Variants in CSRNP3 observed in about 807,000 individuals in gnomAD.
CSRNP3 encodes cysteine and serine rich nuclear protein 3.
In CSRNP3, 12 loss-of-function variants were observed where a neutral mutation model predicts 48.0. The observed-to-expected ratio is 0.25, with a 90% CI of 0.16 to 0.41. The LOEUF (loss-of-function observed/expected upper bound fraction) is 0.41. Among genes scored for constraint, CSRNP3 ranks in the 10% least tolerant of loss-of-function variants. The probability of loss-of-function intolerance (pLI) is 1.00; values close to 1 mark genes in which losing one functional copy is unlikely to be tolerated. For synonymous variants in CSRNP3, 263 were observed against 269.7 expected (o/e 0.98, Z 0.24); for missense variants, 580 against 724.4 (o/e 0.80, Z 2.29).
intron 5 of CSRNP3, among the ~76,000 whole-genome samples, chr2:165,672,767 GA>G (rs1687351964): frequency 6.6e-6 from 1 of 152,168 alleles, no homozygotes; most frequent in African/African-American, 2.4e-5. Flanking sequence ...AATGCATTTG[GA>G]AATAATCTAT....
chr2:165,641,584 A>G (rs1387909269), intron 4 of CSRNP3, among the ~76,000 whole-genome samples: 3 of 152,246 alleles, frequency 2.0e-5, no homozygotes, highest in East Asian at 3.9e-4. Flanking sequence ...TTCCAACTCT[A>G]AAGACCAAGA....
At chr2:165,659,972 A>T (rs1687069387) in intron 5 of CSRNP3, among the ~76,000 whole-genome samples, 1 of 152,172 alleles carries the variant, frequency 6.6e-6, no homozygotes, top group Non-Finnish European at 1.5e-5. Context: ...CTTTGGCAGT[A>T]TTTTTGGCAG....
At chr2:165,535,627 C>T (rs11903328) in intron 3 of CSRNP3, among the ~76,000 whole-genome samples, 45,045 of 151,496 alleles carry the variant, frequency 0.3, 7,284 homozygotes, top group African/African-American at 0.41. Context: ...TTATGTCTGA[C>T]GTGATCACAA....
intron 2 of CSRNP3, among the ~76,000 whole-genome samples, chr2:165,513,192 G>A (rs1684531195): frequency 6.6e-6 from 1 of 152,188 alleles, no homozygotes; most frequent in Admixed American, 6.5e-5. Flanking sequence ...GCTCTGTCAG[G>A]AAACTGTCCT....
chr2:165,594,090 T>C (rs566263212), intron 3 of CSRNP3, among the ~76,000 whole-genome samples: 1 of 152,220 alleles, frequency 6.6e-6, no homozygotes, highest in Non-Finnish European at 1.5e-5. Context: ...TACCTCATTA[T>C]GTAGATACAA....
chr2:165,650,242 G>T (rs149398476), intron 4 of CSRNP3, among the ~76,000 whole-genome samples: 7 of 152,264 alleles, frequency 4.6e-5, no homozygotes, highest in African/African-American at 1.7e-4. Context: ...ACGAGAATGT[G>T]CCTGGAATAA....
At chr2:165,528,895 G>C (rs1267418806) in intron 3 of CSRNP3, among the ~76,000 whole-genome samples, 3 of 152,158 alleles carry the variant, frequency 2.0e-5, no homozygotes, top group African/African-American at 7.2e-5. Flanking sequence ...CCAAGCTGGG[G>C]CAGGAGCTCC....
intron 3 of CSRNP3, among the ~76,000 whole-genome samples, chr2:165,553,530 T>C (rs1286693717): frequency 2.0e-5 from 3 of 152,218 alleles, no homozygotes; most frequent in Non-Finnish European, 4.4e-5. Flanking sequence ...CACCAATTCT[T>C]ATTTCTCAGA....
In CSRNP3 at chr2:165,681,126, A is replaced by T. The variant is rs1687529709; in HGVS notation, c.*1373A>T. On this transcript the variant is annotated 3_prime_UTR_variant, in exon 7 of 7. Coordinates refer to ENST00000651982, the MANE Select transcript of CSRNP3 (RefSeq NM_001172173.2). ...TAAAACATGCACTCCCCACCTTTAG[A>T]TTACCTGCACTTGGTTCGTCGGAGG... 6.6e-6 allele frequency: 1 copy of T among 152,160 alleles called. No homozygotes were observed. The highest frequency in any genetic ancestry group is 6.5e-5 in the Admixed American group (1 of 15,272). 9.4% of individuals were successfully genotyped at this position (152,160 alleles called of 1,614,324 possible).
At chr2:165,670,090 T>C (rs1687304089) in intron 5 of CSRNP3, among the ~76,000 whole-genome samples, 1 of 152,200 alleles carries the variant, frequency 6.6e-6, no homozygotes, top group African/African-American at 2.4e-5. Context: ...ATCATCTGGA[T>C]AATTTATAGG....
intron 5 of CSRNP3, among the ~76,000 whole-genome samples, chr2:165,659,321 A>C (rs1224045927): frequency 6.6e-6 from 1 of 152,200 alleles, no homozygotes; most frequent in African/African-American, 2.4e-5. Flanking sequence ...CAAAATCAGC[A>C]GTGCTTAATG....
intron 3 of CSRNP3, among the ~76,000 whole-genome samples, chr2:165,575,123 G>A (rs1026252459): frequency 1.3e-5 from 2 of 152,102 alleles, no homozygotes; most frequent in African/African-American, 2.4e-5. Context: ...GCATTGTAAA[G>A]GGATCCTTAT....
At chr2:165,554,905 G>T (rs184169048) in intron 3 of CSRNP3, among the ~76,000 whole-genome samples, 1 of 152,130 alleles carries the variant, frequency 6.6e-6, no homozygotes, top group East Asian at 1.9e-4. Context: ...TCACTTCCCC[G>T]ATCACATCAC....
intron 4 of CSRNP3, among the ~76,000 whole-genome samples, chr2:165,623,653 C>G (rs1435460569): frequency 2.0e-5 from 3 of 152,196 alleles, no homozygotes; most frequent in Non-Finnish European, 4.4e-5. Flanking sequence ...TAAGGGAACA[C>G]TGTAATCATG....
intron 2 of CSRNP3, among the ~76,000 whole-genome samples, chr2:165,502,761 C>T (rs1378817825): frequency 1.3e-5 from 2 of 150,028 alleles, no homozygotes; most frequent in Admixed American, 6.7e-5. Flanking sequence ...CTTCCCCTGT[C>T]TCTCTCTCTC....
At chr2:165,597,422 A>C (rs182607707) in intron 4 of CSRNP3, among the ~76,000 whole-genome samples, 136 of 152,280 alleles carry the variant, frequency 8.9e-4, no homozygotes, top group Non-Finnish European at 8.7e-4. Flanking sequence ...GGTCTTAGGA[A>C]ATTTGAAAAA....
intron 4 of CSRNP3, among the ~76,000 whole-genome samples, chr2:165,609,473 A>AG: frequency 6.7e-6 from 1 of 150,258 alleles, no homozygotes; most frequent in Non-Finnish European, 1.5e-5. Context: ...AAGAAAAAAA[A>AG]AAAAAAAAAA....
chr2:165,497,265 TC>T (rs930438986), intron 2 of CSRNP3, among the ~76,000 whole-genome samples: 33 of 152,156 alleles, frequency 2.2e-4, no homozygotes, highest in African/African-American at 6.7e-4. Context: ...TGAGTTTTTT[TC>T]CCCCCTGTAG....
Position 165,679,181 on chromosome 2 carries a change from G to A in CSRNP3, c.1186G>A (p.Gly396Ser), listed in dbSNP as rs1687483143. 6.2e-7 allele frequency: 1 copy of A among 1,613,772 alleles called. No individual in the cohort carries two copies. Among genetic ancestry groups the A allele is most frequent in the Non-Finnish European group, 8.5e-7 (1 of 1,179,984 alleles). ...TGACAAAGGAGATGGCTTCGTGGAA[G>A]GTTTGGGCACCCATGCCGAAGTTGT... is the stretch of plus-strand genomic sequence containing the variant. ...DDDKGDGFVE[G>S]LGTHAEVVPL... Residue 396 changes from glycine (G) to serine (S), a missense_variant, in exon 7 of 7, where the codon GGT becomes AGT. Physicochemically the swap from Gly to Ser is moderately conservative, Grantham distance 56. Coordinates refer to ENST00000651982, the MANE Select transcript of CSRNP3 (RefSeq NM_001172173.2).
Sources: gnomAD v4.1 joint callset for allele counts (sites outside exome capture counted in the v4.1 genomes callset) on GRCh38, gnomAD v4.1.1 for gene constraint, MANE v1.5 for transcripts, NCBI Gene and HGNC (gene_info 2026-07-23, HGNC 2026-07-21) for gene names.